Variants in TLL1 observed in about 807,000 individuals in gnomAD.
TLL1 encodes tolloid like 1.
TLL1 carries 49 observed loss-of-function variants against 128.2 expected under a neutral mutation model. That is an observed-to-expected ratio of 0.38 (90% CI 0.30 to 0.48). TLL1 has a LOEUF of 0.48. TLL1 is among the 20% of genes least tolerant of loss of function. TLL1 has a pLI of 0.96. For synonymous variants in TLL1, 454 were observed against 418.8 expected, an observed-to-expected ratio of 1.08 and a Z score of -1.03; for missense variants, 1,123 against 1,242.0, an observed-to-expected ratio of 0.90 and a Z score of 1.44.
At chr4:166,056,709 G>A (rs28492923) in intron 13 of TLL1, among the ~76,000 whole-genome samples, 4,716 of 152,086 alleles carry the variant, frequency 0.031, 238 homozygotes, top group African/African-American at 0.1. Context: ...AAAAGGCTAG[G>A]CTTCATTATC....
intron 8 of TLL1, among the ~76,000 whole-genome samples, chr4:166,022,699 G>A (rs1160222015): frequency 6.6e-6 from 1 of 152,178 alleles, no homozygotes; most frequent in African/African-American, 2.4e-5. Flanking sequence ...TTAAAAGAAT[G>A]AGAGTTTATT....
chr4:166,002,059 A>G (rs990730601), intron 5 of TLL1, among the ~76,000 whole-genome samples: 1 of 152,128 alleles, frequency 6.6e-6, no homozygotes, highest in African/African-American at 2.4e-5. Context: ...ACAAAATGTC[A>G]TAGACTGGGT....
At position 165,985,639 on chromosome 4, in the gene TLL1, T is replaced by C. The variant is rs995927271; in HGVS notation, c.170-3742T>C. 3.3e-5 allele frequency among the ~76,000 whole-genome samples: 5 copies of C among 152,100 alleles called. No individual in the cohort carries two copies. The East Asian group carries it at 9.7e-4, about 29-fold the overall frequency. Reference sequence around the variant, plus strand: ...GAAGTGTTAGAGCTCACTGAGGAATTGGGGACATGGGTGGAAGTGGCATTT... The same window carrying C: ...GAAGTGTTAGAGCTCACTGAGGAATCGGGGACATGGGTGGAAGTGGCATTT... On this transcript the variant is annotated intron_variant, in intron 1 of 20. Transcript: ENST00000061240.
At chr4:165,937,322 C>T (rs1733810685) in intron 1 of TLL1, among the ~76,000 whole-genome samples, 1 of 152,086 alleles carries the variant, frequency 6.6e-6, no homozygotes, top group Non-Finnish European at 1.5e-5. Context: ...CTCTTTATTT[C>T]ACTTTGGCTC....
chr4:165,916,777 T>A (rs1422223666), intron 1 of TLL1, among the ~76,000 whole-genome samples: 2 of 152,156 alleles, frequency 1.3e-5, no homozygotes, highest in Non-Finnish European at 1.5e-5. Context: ...CAAAAAATCT[T>A]CAGAGAACTG....
intron 1 of TLL1, among the ~76,000 whole-genome samples, chr4:165,897,929 T>C (rs996786600): frequency 1.3e-5 from 2 of 152,172 alleles, no homozygotes; most frequent in Admixed American, 6.5e-5. Flanking sequence ...TAGTTCTCCT[T>C]GAAGAGGTGC....
chr4:165,893,559 C>G (rs1184873179), intron 1 of TLL1, among the ~76,000 whole-genome samples: 1 of 152,088 alleles, frequency 6.6e-6, no homozygotes, highest in African/African-American at 2.4e-5. Context: ...GCAGAGAATC[C>G]CTACCTTGTA....
chr4:166,050,168 C>T (rs556913456), intron 12 of TLL1, among the ~76,000 whole-genome samples: 11 of 152,234 alleles, frequency 7.2e-5, no homozygotes, highest in South Asian at 4.2e-4. Flanking sequence ...CTTGCAAAGC[C>T]GAAACACTAT....
intron 1 of TLL1, among the ~76,000 whole-genome samples, chr4:165,953,206 G>A (rs143782162): frequency 6.6e-6 from 1 of 152,194 alleles, no homozygotes; most frequent in Non-Finnish European, 1.5e-5. Context: ...ATAGCTTTAG[G>A]TCATGTGTGG....
At chr4:165,998,319 C>A (rs1200524226) in intron 5 of TLL1, among the ~76,000 whole-genome samples, 1 of 152,082 alleles carries the variant, frequency 6.6e-6, no homozygotes, top group East Asian at 1.9e-4. Context: ...TACATGACTT[C>A]TCTCCTTTTA....
chr4:165,880,075 A>AT (rs1730908801), intron 1 of TLL1, among the ~76,000 whole-genome samples: 2 of 152,208 alleles, frequency 1.3e-5, no homozygotes, highest in Admixed American at 6.5e-5. Flanking sequence ...AAACTTAAAA[A>AT]ATATATAACC....
chr4:166,026,070 T>C lies in TLL1; in HGVS notation c.1158+639T>C, dbSNP rs181492871. On this transcript the variant is annotated intron_variant, in intron 9 of 20. Transcript: ENST00000061240. ...GTATGAACAAAGTTGATAGTTTGAA[T>C]TGATTAAAAACAACAACAACAACAA... Among the ~76,000 whole-genome samples the C allele has an allele frequency of 4.1e-3, 618 of 152,258 alleles. 4 individuals are homozygous for C. Among genetic ancestry groups the C allele is most frequent in the Non-Finnish European group, 7.5e-3 (509 of 68,006 alleles).
intron 5 of TLL1, among the ~76,000 whole-genome samples, chr4:166,001,032 AG>A (rs1258774110): frequency 6.6e-5 from 10 of 152,176 alleles, no homozygotes; most frequent in Non-Finnish European, 1.5e-4. Context: ...ATGAAAAAAA[AG>A]GGTAGGGGGA....
At chr4:165,897,003 G>A (rs1311199859) in intron 1 of TLL1, among the ~76,000 whole-genome samples, 1 of 152,260 alleles carries the variant, frequency 6.6e-6, no homozygotes, top group South Asian at 2.1e-4. Context: ...AATGACCAGT[G>A]ATGATGAGCT....
At chr4:165,955,907 G>T (rs1210301003) in intron 1 of TLL1, among the ~76,000 whole-genome samples, 1 of 152,052 alleles carries the variant, frequency 6.6e-6, no homozygotes, top group Non-Finnish European at 1.5e-5. Context: ...TAAAGAGAAA[G>T]GGTACCAAGA....
At chr4:165,932,954 T>A (rs1017145051) in intron 1 of TLL1, among the ~76,000 whole-genome samples, 1 of 152,238 alleles carries the variant, frequency 6.6e-6, no homozygotes, top group Non-Finnish European at 1.5e-5. Context: ...AAGACACTTA[T>A]GTTACCGGGG....
At chr4:166,077,854 A>G (rs1741105852) in intron 17 of TLL1, 49 bp from the exon 18 acceptor site, 1 of 1,610,752 alleles carries the variant, frequency 6.2e-7, no homozygotes, top group South Asian at 1.1e-5. Context: ...TTCTGCCTCA[A>G]ACCTGGGCTG....
intron 1 of TLL1, among the ~76,000 whole-genome samples, chr4:165,917,467 T>C (rs1388423070): frequency 1.3e-5 from 2 of 152,190 alleles, no homozygotes; most frequent in South Asian, 2.1e-4. Context: ...CCTATGGCTC[T>C]TAGTATTTAA....
chr4:165,906,122 G>T (rs533718386), intron 1 of TLL1, among the ~76,000 whole-genome samples: 1 of 152,124 alleles, frequency 6.6e-6, no homozygotes, highest in South Asian at 2.1e-4. Flanking sequence ...ATTTTGTATT[G>T]TCTATGGCTA....
Sources: gnomAD v4.1 joint callset for allele counts (sites outside exome capture counted in the v4.1 genomes callset) on GRCh38, gnomAD v4.1.1 for gene constraint, MANE v1.5 for transcripts, NCBI Gene and HGNC (gene_info 2026-07-23, HGNC 2026-07-21) for gene names.